Variants in PTPRN2 observed in about 807,000 individuals in gnomAD.
PTPRN2 encodes receptor-type tyrosine-protein phosphatase N2.
Under a neutral mutation model 118.8 loss-of-function variants are expected in PTPRN2, and 74 were observed. That is an observed-to-expected ratio of 0.62 (90% CI 0.52 to 0.76). PTPRN2 has a LOEUF of 0.76. PTPRN2 is among the 30% of genes least tolerant of loss of function. The pLI, the probability that PTPRN2 is intolerant of heterozygous loss-of-function variation, is 0.00. For missense variants in PTPRN2, 1,481 were observed against 1,394.4 expected, an observed-to-expected ratio of 1.06 and a Z score of -0.99; for synonymous variants, 641 against 608.0, an observed-to-expected ratio of 1.05 and a Z score of -0.80.
Position 157,609,198 on chromosome 7 carries a change from A to C in PTPRN2, c.2345-5123T>G, listed in dbSNP as rs570705907. On this transcript the variant is annotated intron_variant, in intron 15 of 22. Coordinates refer to ENST00000389418, the MANE Select transcript of PTPRN2 (RefSeq NM_002847.5). This position sits in a 1 kb window ranked among gnomAD's most constrained non-coding sequence, Gnocchi z 4.9. ...AGGAGTTCGAGACCAGTCTGGCCAA[A>C]GTGGCAAAACCACGTCTCTACTAAA... 1.6e-3 allele frequency among the ~76,000 whole-genome samples: 250 copies of C among 152,196 alleles called. 1 individual carries two copies. Among genetic ancestry groups the C allele is most frequent in the African/African-American group, 5.7e-3 (238 of 41,518 alleles).
At chr7:158,407,571 GGTCCTGC>G (rs773372371) in intron 2 of PTPRN2, among the ~76,000 whole-genome samples, 4 of 8,096 alleles carry the variant, frequency 4.9e-4, no homozygotes, top group East Asian at 3.2e-3. Context: ...CTGTGTCCTG[GGTCCTGC>G]GTCCTGGGTC....
chr7:158,551,117 C>T (rs1425112548), intron 1 of PTPRN2, among the ~76,000 whole-genome samples: 2 of 152,274 alleles, frequency 1.3e-5, no homozygotes, highest in Non-Finnish European at 2.9e-5. Context: ...CCGACACTCG[C>T]TTTGCACAGC....
chr7:158,218,193 A>G (rs201900415), intron 3 of PTPRN2, among the ~76,000 whole-genome samples: 54 of 152,274 alleles, frequency 3.5e-4, no homozygotes, highest in Admixed American at 3.1e-3. Context: ...AGCTATAGAG[A>G]AAGGGCAGGT....
intron 2 of PTPRN2, among the ~76,000 whole-genome samples, chr7:158,431,816 C>A (rs1049264530): frequency 1.3e-5 from 2 of 152,264 alleles, no homozygotes. Context: ...ACACTGGGCA[C>A]ACACTGGCTT....
At chr7:158,169,636 G>A (rs1396396158) in intron 5 of PTPRN2, among the ~76,000 whole-genome samples, 2 of 151,798 alleles carry the variant, frequency 1.3e-5, no homozygotes, top group East Asian at 3.9e-4. Context: ...TAAATTACTT[G>A]ACCCCTAAAG....
Position 157,801,723 on chromosome 7 carries a change from C to A in PTPRN2, c.1788+96950G>T, listed in dbSNP as rs1428015650. 6.6e-6 allele frequency among the ~76,000 whole-genome samples: 1 copy of A among 152,072 alleles called. No individual in the cohort carries two copies. The stretch of plus-strand genomic sequence containing the variant: ...ATTTAAGAAAAATTCACAGGAGAGG[C>A]GGCTGCTGAATGCCTCCACCGAGGG... On this transcript the variant is annotated intron_variant, in intron 12 of 22. Coordinates refer to ENST00000389418, the MANE Select transcript of PTPRN2 (RefSeq NM_002847.5). This position sits in a 1 kb window ranked among gnomAD's most constrained non-coding sequence, Gnocchi z 4.2.
intron 11 of PTPRN2, among the ~76,000 whole-genome samples, chr7:157,904,573 G>A (rs904842408): frequency 1.3e-5 from 2 of 152,228 alleles, no homozygotes; most frequent in African/African-American, 2.4e-5. Flanking sequence ...CCAGCTTCTT[G>A]CCAGGGAAAT....
At position 158,318,031 on chromosome 7, in the gene PTPRN2, C is replaced by T. The variant is rs577356513; in HGVS notation, c.164-1099G>A. On this transcript the variant is annotated intron_variant, in intron 2 of 22. Coordinates refer to ENST00000389418, the MANE Select transcript of PTPRN2 (RefSeq NM_002847.5). ...AATGGCAAGGAGGAGACGCCAGGCCCGCGCCGTTTCCCTCCGTGCAGCCCG... is the reference window on the plus strand; with the variant it reads ...AATGGCAAGGAGGAGACGCCAGGCCTGCGCCGTTTCCCTCCGTGCAGCCCG... Among the ~76,000 whole-genome samples the T allele has an allele frequency of 1.6e-4, 25 of 152,280 alleles. 1 individual carries two copies. In the South Asian group the frequency reaches 5.0e-3, roughly 30 times the overall value.
chr7:158,440,858 TG>T (rs1037313970), intron 2 of PTPRN2, among the ~76,000 whole-genome samples: 4 of 92,894 alleles, frequency 4.3e-5, no homozygotes, highest in Non-Finnish European at 8.5e-5. Flanking sequence ...GGGGTGGTGG[TG>T]GGGGCAGTGG....
At chr7:157,798,784 C>A (rs374123593) in intron 12 of PTPRN2, among the ~76,000 whole-genome samples, 1 of 144,986 alleles carries the variant, frequency 6.9e-6, no homozygotes, top group South Asian at 2.4e-4. Context: ...CACATTGAAC[C>A]GTTGATATTT....
intron 2 of PTPRN2, among the ~76,000 whole-genome samples, chr7:158,446,934 G>A (rs954187218): frequency 6.6e-6 from 1 of 152,114 alleles, no homozygotes; most frequent in Admixed American, 6.5e-5. Context: ...CACGGCATCC[G>A]TCACTTTCGA....
Position 158,095,617 on chromosome 7 carries a change from A to G in PTPRN2, c.1644-14240T>C, listed in dbSNP as rs1442164382. Among the ~76,000 whole-genome samples, 3 of 152,268 alleles carry G rather than the reference A, an allele frequency of 2.0e-5. No homozygotes were observed. In the East Asian group the frequency reaches 5.8e-4, roughly 29 times the overall value. ...TTCAGTCTGCCCATTCTTTCGTGGAATCATTCATTCACTCATTCAACAAAT... is the reference window on the plus strand; with the variant it reads ...TTCAGTCTGCCCATTCTTTCGTGGAGTCATTCATTCACTCATTCAACAAAT... On this transcript the variant is annotated intron_variant, in intron 10 of 22. Coordinates refer to ENST00000389418, the MANE Select transcript of PTPRN2 (RefSeq NM_002847.5).
chr7:158,200,386 C>T (rs1365984538), intron 4 of PTPRN2, among the ~76,000 whole-genome samples: 1 of 152,168 alleles, frequency 6.6e-6, no homozygotes, highest in Admixed American at 6.5e-5. Flanking sequence ...GACGCAGCCC[C>T]CGTGTGCTAA....
intron 11 of PTPRN2, among the ~76,000 whole-genome samples, chr7:157,913,571 T>C (rs913122338): frequency 6.6e-6 from 1 of 151,836 alleles, no homozygotes; most frequent in Middle Eastern, 3.2e-3. Flanking sequence ...AAACTAGTCT[T>C]ACTTTATTCA....
chr7:157,712,381 T>TA (rs1798689342), intron 12 of PTPRN2, among the ~76,000 whole-genome samples: 3 of 152,154 alleles, frequency 2.0e-5, no homozygotes, highest in African/African-American at 7.2e-5. Context: ...AAAAGGACCT[T>TA]CACAGATGTA....
chr7:158,413,119 G>A (rs181458094), intron 2 of PTPRN2, among the ~76,000 whole-genome samples: 524 of 151,222 alleles, frequency 3.5e-3, no homozygotes, highest in Non-Finnish European at 6.1e-3. Flanking sequence ...ACCCTCCTCA[G>A]CTCCAGGACC....
At chr7:157,890,621 G>A (rs576406053) in intron 12 of PTPRN2, among the ~76,000 whole-genome samples, 31 of 152,298 alleles carry the variant, frequency 2.0e-4, no homozygotes, top group Non-Finnish European at 4.0e-4. Context: ...CAGCCTGGGC[G>A]ACAGAGCGAG....
chr7:158,106,085 A>C (rs931711389), intron 10 of PTPRN2, among the ~76,000 whole-genome samples: 2 of 151,836 alleles, frequency 1.3e-5, no homozygotes, highest in African/African-American at 4.8e-5. Context: ...ATCCTAGATC[A>C]TCACTGCTCC....
At chr7:158,104,245 G>A (rs952666420) in intron 10 of PTPRN2, among the ~76,000 whole-genome samples, 1 of 152,186 alleles carries the variant, frequency 6.6e-6, no homozygotes, top group African/African-American at 2.4e-5. Flanking sequence ...CCTCCCCAGA[G>A]CAGTCTGAGG....
Sources: allele counts gnomAD v4.1 joint callset (sites outside exome capture counted in the v4.1 genomes callset), GRCh38; gene constraint gnomAD v4.1.1; non-coding constraint Gnocchi (gnomAD v3.1); transcripts MANE v1.5; gene names NCBI Gene and HGNC (gene_info 2026-07-23, HGNC 2026-07-21).